Variants in DHX9 observed in about 807,000 individuals in gnomAD.
DHX9 encodes DExH-box helicase 9.
DHX9 carries 27 observed loss-of-function variants against 148.7 expected under a neutral mutation model. The ratio of observed to expected loss-of-function variants is 0.18; its 90% CI spans 0.13 to 0.25. The LOEUF (loss-of-function observed/expected upper bound fraction) is 0.25. Ranked by LOEUF, DHX9 falls within the 10% of genes least tolerant of loss-of-function variation. The pLI, the probability that DHX9 is intolerant of heterozygous loss-of-function variation, is 1.00. For synonymous variants in DHX9, 529 were observed against 516.6 expected (o/e 1.02, Z -0.33); for missense variants, 796 against 1,559.6 (o/e 0.51, Z 8.25).
chr1:182,879,188 A>C, intron 20 of DHX9, 62 bp from the exon 21 acceptor site: 1 of 1,331,518 alleles, frequency 7.5e-7, no homozygotes, highest in Non-Finnish European at 9.8e-7. Flanking sequence ...TTGCTGCAAA[A>C]AGTTTATTAA....
intron 15 of DHX9, among the ~76,000 whole-genome samples, chr1:182,874,618 A>G (rs757471013): frequency 3.5e-4 from 54 of 152,334 alleles, no homozygotes; most frequent in African/African-American, 1.3e-3. Context: ...GGATACCCCA[A>G]CTGGCTCTGG....
chr1:182,883,060 ATTATC>A, intron 24 of DHX9, 74 bp from the exon 25 acceptor site: 1 of 969,510 alleles, frequency 1.0e-6, no homozygotes, highest in Non-Finnish European at 1.6e-6. Context: ...AGTTCTCTGA[ATTATC>A]TTAAATAGTT....
chr1:182,847,831 T>C (rs568593036), intron 3 of DHX9, among the ~76,000 whole-genome samples: 1 of 152,340 alleles, frequency 6.6e-6, no homozygotes, highest in South Asian at 2.1e-4. Context: ...GTTCATTTTT[T>C]ATTGCCTGCA....
intron 24 of DHX9, among the ~76,000 whole-genome samples, chr1:182,882,722 G>T (rs539995311): frequency 6.6e-6 from 1 of 151,970 alleles, no homozygotes; most frequent in Non-Finnish European, 1.5e-5. Context: ...AAAATTAGCC[G>T]GGCGTGGTGG....
chr1:182,845,323 T>C (rs756558258), intron 3 of DHX9, among the ~76,000 whole-genome samples: 13 of 152,118 alleles, frequency 8.5e-5, no homozygotes, highest in African/African-American at 1.9e-4. Context: ...AATTCTCTTA[T>C]TCTCTTTCTG....
At chr1:182,869,725 A>G (rs1648479711) in intron 14 of DHX9, among the ~76,000 whole-genome samples, 1 of 152,148 alleles carries the variant, frequency 6.6e-6, no homozygotes, top group Non-Finnish European at 1.5e-5. Flanking sequence ...TTCTCCTACG[A>G]GTAGCTGGGA....
At chr1:182,854,241 G>A in intron 6 of DHX9, 63 bp downstream of exon 6, 1 of 1,432,356 alleles carries the variant, frequency 7.0e-7, no homozygotes, top group African/African-American at 1.4e-5. Flanking sequence ...ATTCACTGTT[G>A]AATATAATCT....
At chr1:182,859,375 T>G (rs542426463) in intron 11 of DHX9, among the ~76,000 whole-genome samples, 1 of 152,326 alleles carries the variant, frequency 6.6e-6, no homozygotes, top group South Asian at 2.1e-4. Context: ...GTTTTTTTGT[T>G]TGTTTTAGTG....
At chr1:182,859,174 G>T in intron 11 of DHX9, 57 bp downstream of exon 11, 1 of 1,508,234 alleles carries the variant, frequency 6.6e-7, no homozygotes, top group Admixed American at 1.7e-5. Flanking sequence ...TTCTAGGTAT[G>T]GGTAAAAAGT....
intron 15 of DHX9, among the ~76,000 whole-genome samples, chr1:182,873,166 A>G (rs1648618071): frequency 1.3e-5 from 2 of 152,066 alleles, no homozygotes; most frequent in Admixed American, 6.6e-5. Flanking sequence ...CTGTTGCCCA[A>G]GCTGCTCTCA....
intron 24 of DHX9, among the ~76,000 whole-genome samples, chr1:182,882,233 A>T (rs1649114984): frequency 6.6e-6 from 1 of 152,246 alleles, no homozygotes; most frequent in African/African-American, 2.4e-5. Flanking sequence ...TTCATGTGCT[A>T]GAATCTTGAG....
chr1:182,854,816 C>G (rs1668225430), intron 6 of DHX9, among the ~76,000 whole-genome samples: 1 of 152,100 alleles, frequency 6.6e-6, no homozygotes. Context: ...GCTGTTCTTC[C>G]TGAGAGCATT....
intron 3 of DHX9, among the ~76,000 whole-genome samples, chr1:182,846,340 G>A (rs1207774577): frequency 1.3e-5 from 2 of 151,946 alleles, no homozygotes; most frequent in South Asian, 2.1e-4. Context: ...GGGTTCAAGC[G>A]ATTCTCCTGC....
intron 6 of DHX9, chr1:182,855,860 T>C (rs1422092298): frequency 2.9e-5 from 14 of 489,998 alleles, no homozygotes; most frequent in Non-Finnish European, 3.4e-5. Flanking sequence ...AGGGCAGTTT[T>C]TCCCTTGCTA....
chr1:182,882,483 A>G (rs1489443744), intron 24 of DHX9, among the ~76,000 whole-genome samples: 1 of 152,198 alleles, frequency 6.6e-6, no homozygotes, highest in Non-Finnish European at 1.5e-5. Context: ...TACAACTAAC[A>G]GCTATTTAAG....
chr1:182,841,800 TGTG>T (rs1249851183), intron 1 of DHX9, among the ~76,000 whole-genome samples: 4 of 152,244 alleles, frequency 2.6e-5, no homozygotes, highest in African/African-American at 4.8e-5. Flanking sequence ...CTCCATATCT[TGTG>T]GTATTTTATA....
chr1:182,856,081 C>T (rs900390815), intron 6 of DHX9, among the ~76,000 whole-genome samples: 2 of 152,140 alleles, frequency 1.3e-5, no homozygotes, highest in Non-Finnish European at 2.9e-5. Context: ...TGTGAGTTTG[C>T]GTATATTAGC....
At chr1:182,858,432 C>A in intron 8 of DHX9, 119 bp from the exon 9 acceptor site, 1 of 1,111,566 alleles carries the variant, frequency 9.0e-7, no homozygotes, top group East Asian at 2.4e-5. Context: ...GTAATTCTCT[C>A]ACAAAAGGGA....
chr1:182,882,448 C>T (rs1649126409), intron 24 of DHX9, among the ~76,000 whole-genome samples: 1 of 152,160 alleles, frequency 6.6e-6, no homozygotes, highest in African/African-American at 2.4e-5. Flanking sequence ...CAGTAGGTGT[C>T]CTCTTAGATT....
Sources: allele counts gnomAD v4.1 joint callset (sites outside exome capture counted in the v4.1 genomes callset), GRCh38; gene constraint gnomAD v4.1.1; transcripts MANE v1.5; gene names NCBI Gene and HGNC (gene_info 2026-07-23, HGNC 2026-07-21).